FGD3: variants seen among roughly 807,000 people sequenced by gnomAD.
FGD3 encodes the protein FYVE, RhoGEF and PH domain containing 3, also known as FYVE, RhoGEF and PH domain-containing protein 3.
In FGD3, 45 loss-of-function variants were observed where a neutral mutation model predicts 71.8. That is an observed-to-expected ratio of 0.63 (90% CI 0.49 to 0.80). FGD3 has a LOEUF of 0.80. FGD3 is among the 30% of genes least tolerant of loss of function. FGD3 has a pLI of 0.00. For missense variants in FGD3, 844 were observed against 951.5 expected (o/e 0.89, Z 1.49); for synonymous variants, 378 against 392.8 (o/e 0.96, Z 0.44).
At chr9:92,950,804 G>A (rs1363704676) in intron 1 of FGD3, among the ~76,000 whole-genome samples, 2 of 152,216 alleles carry the variant, frequency 1.3e-5, no homozygotes, top group East Asian at 3.8e-4. Flanking sequence ...CACCCAGGAG[G>A]AATCTGTGGA....
intron 11 of FGD3, 114 bp downstream of exon 11, chr9:93,018,329 G>C (rs1018792415): frequency 1.0e-6 from 1 of 962,456 alleles, no homozygotes. Context: ...TAAAAGTACT[G>C]TTACTGAAGC....
At position 93,003,059 on chromosome 9, in the gene FGD3, G is replaced by C. The variant is rs753493925; in HGVS notation, c.543+45G>C. ...GGCAGTTTCAGTATCTCTTAGCATT[G>C]GCTGGGCATTATAGGTGCAGTGTGA... On this transcript the variant is annotated intron_variant, in intron 4 of 17. Coordinates refer to ENST00000375482, the MANE Select transcript of FGD3 (RefSeq NM_001083536.2). This position sits in a 1 kb window ranked among gnomAD's most constrained non-coding sequence, Gnocchi z 4.1. The C allele has an allele frequency of 1.1e-5, 17 of 1,565,366 alleles. No homozygotes were observed. In the South Asian group the frequency reaches 1.8e-4, roughly 16 times the overall value.
intron 15 of FGD3, among the ~76,000 whole-genome samples, chr9:93,031,996 A>G (rs1442722086): frequency 2.0e-5 from 3 of 152,158 alleles, no homozygotes; most frequent in Admixed American, 2.0e-4. Flanking sequence ...AAGCTCTGGA[A>G]AAGTCACTGA....
At chr9:93,016,335 CTTTTT>C (rs71511639) in intron 10 of FGD3, among the ~76,000 whole-genome samples, 2 of 108,498 alleles carry the variant, frequency 1.8e-5, no homozygotes, top group Non-Finnish European at 3.7e-5. Flanking sequence ...GAATGACCTT[CTTTTT>C]TTTTTTTTTT....
chr9:93,029,071 G>T lies in FGD3; in HGVS notation c.1558-803G>T, dbSNP rs186055164. 7.6e-3 allele frequency among the ~76,000 whole-genome samples: 1,057 copies of T among 139,764 alleles called. 7 individuals are homozygous for T. Among genetic ancestry groups the T allele is most frequent in the Non-Finnish European group, 0.011 (750 of 66,008 alleles). The allele number at this position is 139,764 out of a possible 152,430, so 91.7% of individuals were successfully genotyped here. On this transcript the variant is annotated intron_variant, in intron 14 of 17. Coordinates refer to ENST00000375482, the MANE Select transcript of FGD3 (RefSeq NM_001083536.2). ...ATCTCGCTCTATAGCCCAGGCTGGG[G>T]TGCAATGGCGGGATCTCAGTTCACT...
At chr9:92,982,380 A>G (rs759340738) in intron 3 of FGD3, among the ~76,000 whole-genome samples, 7 of 152,152 alleles carry the variant, frequency 4.6e-5, no homozygotes, top group Non-Finnish European at 7.3e-5. Flanking sequence ...TTATTCACTC[A>G]TCTGTTGTTG....
rs780399728 is a variant in FGD3 at position 92,976,446 on chromosome 9, G to C, written c.190G>C (p.Glu64Gln). The C allele has an allele frequency of 7.4e-6, 12 of 1,611,966 alleles. 1 individual carries two copies. Among genetic ancestry groups the C allele is most frequent in the Non-Finnish European group, 1.0e-5 (12 of 1,179,424 alleles). ...CTCTCCAGACATAGGCCCCACGGGAGAGCTGAGTGGTAGCTTAAAGATCCC... is the reference window on the plus strand; with the variant it reads ...CTCTCCAGACATAGGCCCCACGGGACAGCTGAGTGGTAGCTTAAAGATCCC... ...DGSPDIGPTG[E>Q]LSGSLKIPNR... The change falls in exon 3 of 18, where the codon GAG becomes CAG. Residue 64 changes from glutamate (E) to glutamine (Q), a missense_variant. By Grantham distance (29) the Glu-to-Gln change is conservative (BLOSUM62 2). Transcript: ENST00000375482.
At chr9:92,975,988 A>T (rs774048080) in intron 2 of FGD3, among the ~76,000 whole-genome samples, 19 of 152,230 alleles carry the variant, frequency 1.2e-4, no homozygotes, top group Admixed American at 3.9e-4. Flanking sequence ...ATTTTAAAAC[A>T]AAACATTTTC....
chr9:92,998,448 C>T (rs1274945399), intron 3 of FGD3, among the ~76,000 whole-genome samples: 1 of 152,054 alleles, frequency 6.6e-6, no homozygotes, highest in African/African-American at 2.4e-5. Context: ...TTTGTTATTA[C>T]CAATCATCTG....
chr9:92,976,370 G>A lies in FGD3; in HGVS notation c.114G>A (p.Gly38=). The change falls in exon 3 of 18, where the codon GGG becomes GGA. Residue 38 remains glycine, a synonymous_variant. Coordinates refer to ENST00000375482, the MANE Select transcript of FGD3 (RefSeq NM_001083536.2). The stretch of plus-strand genomic sequence containing the variant: ...GGAAGCTTCAGGCGCTCCCTGTTGG[G>A]CCCAGAGCCCACTGTGGGGACCCTG... The part of the protein sequence containing the change: ...SLGKLQALPV[G]PRAHCGDPVS... The A allele has an allele frequency of 6.2e-7, 1 of 1,610,478 alleles. No individual in the cohort carries two copies. The highest frequency in any genetic ancestry group is 8.5e-7 in the Non-Finnish European group (1 of 1,178,952).
intron 14 of FGD3, among the ~76,000 whole-genome samples, chr9:93,023,742 C>T (rs1355116445): frequency 6.6e-6 from 1 of 151,718 alleles, no homozygotes; most frequent in African/African-American, 2.4e-5. Flanking sequence ...TGTAGCCTGC[C>T]CCGGGGGACC....
rs1168139339 is a variant in FGD3, at chr9:92,997,976, T to C, written c.454-4949T>C. 6.6e-5 allele frequency among the ~76,000 whole-genome samples: 10 copies of C among 152,192 alleles called. No individual in the cohort carries two copies. The East Asian group carries it at 1.9e-3, about 29-fold the overall frequency. On this transcript the variant is annotated intron_variant, in intron 3 of 17. Coordinates refer to ENST00000375482, the MANE Select transcript of FGD3 (RefSeq NM_001083536.2). ...AGTTGCTCTTCTCAAGGAGTATCTT[T>C]GTGGCATTCTCTGTATTTCCTGAAT... is the stretch of plus-strand genomic sequence containing the variant.
At position 92,989,680 on chromosome 9, in the gene FGD3, G is replaced by A. The variant is rs116771226; in HGVS notation, c.453+12971G>A. Among the ~76,000 whole-genome samples, 389 of 152,280 alleles carry A rather than the reference G, an allele frequency of 2.6e-3. 2 individuals are homozygous for A. The highest frequency in any genetic ancestry group is 9.0e-3 in the African/African-American group (376 of 41,554). Reference sequence around the variant, plus strand: ...CACATGTTGCAAGAGAAAAGGAGCCGGTAGGCGAATAGTCAATTATGTATT... The same window carrying A: ...CACATGTTGCAAGAGAAAAGGAGCCAGTAGGCGAATAGTCAATTATGTATT... On this transcript the variant is annotated intron_variant, in intron 3 of 17. Coordinates refer to ENST00000375482, the MANE Select transcript of FGD3 (RefSeq NM_001083536.2).
chr9:93,028,643 G>A (rs1862227524), intron 14 of FGD3, among the ~76,000 whole-genome samples: 1 of 152,184 alleles, frequency 6.6e-6, no homozygotes, highest in South Asian at 2.1e-4. Context: ...ACAGGAAACG[G>A]TAATTAGCAA....
chr9:92,968,592 CTTTTTTCTTTCTTTCTTT>C (rs979721146), intron 1 of FGD3, among the ~76,000 whole-genome samples: 1 of 128,636 alleles, frequency 7.8e-6, no homozygotes, highest in Non-Finnish European at 1.6e-5. Context: ...GTTTTCTTTT[CTTTTTTCTTTCTTTCTTT>C]TTTTTTTTTT....
chr9:92,984,125 C>G (rs1213303553), intron 3 of FGD3, among the ~76,000 whole-genome samples: 1 of 152,168 alleles, frequency 6.6e-6, no homozygotes, highest in East Asian at 1.9e-4. Flanking sequence ...CTGTATGTCC[C>G]CAGGCCTTAC....
At chr9:92,970,222 A>T (rs564234394) in intron 1 of FGD3, among the ~76,000 whole-genome samples, 7 of 152,314 alleles carry the variant, frequency 4.6e-5, no homozygotes, top group Admixed American at 2.0e-4. Context: ...AAGGACAGAA[A>T]CGTCCCCTGC....
chr9:93,020,821 A>G (rs1465215234), intron 13 of FGD3, among the ~76,000 whole-genome samples: 1 of 152,170 alleles, frequency 6.6e-6, no homozygotes, highest in African/African-American at 2.4e-5. Flanking sequence ...CCACCTTTCC[A>G]TGGCAGCTTT....
chr9:93,021,060 G>A (rs549076446), intron 13 of FGD3, among the ~76,000 whole-genome samples: 5 of 152,350 alleles, frequency 3.3e-5, no homozygotes, highest in East Asian at 3.9e-4. Flanking sequence ...GCTCTGTGAC[G>A]TCCCCAGGCC....
Sources: allele counts gnomAD v4.1 joint callset (sites outside exome capture counted in the v4.1 genomes callset), GRCh38; gene constraint gnomAD v4.1.1; non-coding constraint Gnocchi (gnomAD v3.1); transcripts MANE v1.5; gene names NCBI Gene and HGNC (gene_info 2026-07-23, HGNC 2026-07-21).